The following NTRK3 variants were observed in gnomAD, a reference collection of about 807,000 sequenced individuals.
NTRK3 encodes neurotrophic receptor tyrosine kinase 3.
In NTRK3, 24 loss-of-function variants were observed where a neutral mutation model predicts 91.7. The ratio of observed to expected loss-of-function variants is 0.26; its 90% CI spans 0.19 to 0.37. The LOEUF (loss-of-function observed/expected upper bound fraction) is 0.37. Ranked by LOEUF, NTRK3 falls within the 10% of genes least tolerant of loss-of-function variation. The probability of loss-of-function intolerance (pLI) is 1.00; values close to 1 mark genes in which losing one functional copy is unlikely to be tolerated. For missense variants in NTRK3, 880 were observed against 1,068.9 expected (o/e 0.82, Z 2.46); for synonymous variants, 483 against 404.0 (o/e 1.20, Z -2.34).
intron 3 of NTRK3, among the ~76,000 whole-genome samples, chr15:88,230,809 C>A (rs2051118498): frequency 6.6e-6 from 1 of 151,322 alleles, no homozygotes; most frequent in Admixed American, 6.6e-5. Flanking sequence ...GACAAAACCA[C>A]CCTGTAAATA....
rs1444853764 is a variant in NTRK3, at chr15:87,867,670, G to A, written c.*9265C>T. On this transcript the variant is annotated 3_prime_UTR_variant, in exon 19 of 19. Coordinates refer to ENST00000394480, the Ensembl canonical transcript of NTRK3. Reference sequence around the variant, plus strand: ...GCTCCTAGCCCAGTGCTCTTCTCCTGCCCCATGCTAACCGTTTTGGTTCAC... The same window carrying A: ...GCTCCTAGCCCAGTGCTCTTCTCCTACCCCATGCTAACCGTTTTGGTTCAC... 8 of 229,030 alleles carry A rather than the reference G, an allele frequency of 3.5e-5. No homozygotes were observed. The East Asian group carries it at 5.0e-4, about 14-fold the overall frequency. The allele number at this position is 229,030 out of a possible 1,614,324, so 14.2% of individuals were successfully genotyped here. A position where few individuals can be genotyped will look rare whatever the true frequency, so the allele number is the denominator to read the frequency against.
chr15:87,866,282 C>A, exon 19 of NTRK3: 1 of 201,936 alleles, frequency 5.0e-6, no homozygotes, highest in African/African-American at 2.3e-5. Flanking sequence ...TCCTAGAAAG[C>A]ATTCATAATA....
Position 87,880,267 on chromosome 15 carries a change from T to C in NTRK3, c.2292+3A>G, listed in dbSNP as rs1489014249. The C allele has an allele frequency of 6.2e-7, 1 of 1,614,124 alleles. No individual in the cohort carries two copies. The highest frequency in any genetic ancestry group is 1.1e-5 in the South Asian group (1 of 91,080). On this transcript the variant is annotated splice_donor_region_variant and intron_variant, in intron 18 of 18. Transcript: ENST00000394480. The stretch of plus-strand genomic sequence containing the variant: ...TCAAGATTCCTACGCACCCCCTTTT[T>C]ACCTCCGTGTTTGAGAGTTGGAACC...
intron 13 of NTRK3, among the ~76,000 whole-genome samples, chr15:88,063,844 C>T (rs2046422526): frequency 6.6e-6 from 1 of 152,196 alleles, no homozygotes; most frequent in Admixed American, 6.5e-5. Context: ...TCAGAAGAAA[C>T]AGATGAATTG....
chr15:88,062,954 T>C (rs572615149), intron 13 of NTRK3, among the ~76,000 whole-genome samples: 2 of 152,240 alleles, frequency 1.3e-5, no homozygotes, highest in South Asian at 4.1e-4. Context: ...GTTTCCTTCA[T>C]GTAAAGATGT....
At chr15:88,040,607 A>G (rs2079515888) in intron 13 of NTRK3, among the ~76,000 whole-genome samples, 1 of 152,222 alleles carries the variant, frequency 6.6e-6, no homozygotes, top group Non-Finnish European at 1.5e-5. Context: ...CTCTTCCAGC[A>G]ACTCTATGAC....
intron 3 of NTRK3, among the ~76,000 whole-genome samples, chr15:88,246,331 C>T (rs1431531515): frequency 6.6e-6 from 1 of 152,204 alleles, no homozygotes; most frequent in African/African-American, 2.4e-5. Flanking sequence ...AAAGCAGACA[C>T]GGGATCTGCA....
At chr15:87,893,868 A>G (rs16940978) in intron 17 of NTRK3, among the ~76,000 whole-genome samples, 1,708 of 152,276 alleles carry the variant, frequency 0.011, 34 homozygotes, top group African/African-American at 0.039. Context: ...GGAGGGATTC[A>G]AGCTTCCTCT....
At chr15:88,111,944 T>C (rs1050306021) in intron 13 of NTRK3, among the ~76,000 whole-genome samples, 3 of 151,170 alleles carry the variant, frequency 2.0e-5, no homozygotes, top group Non-Finnish European at 3.0e-5. Context: ...TCTCACTCTG[T>C]CACCCAGGCT....
chr15:88,022,332 G>A (rs552168254), intron 14 of NTRK3, among the ~76,000 whole-genome samples: 2 of 152,068 alleles, frequency 1.3e-5, no homozygotes, highest in East Asian at 1.9e-4. Context: ...TTGGCTTTAC[G>A]CCCAAGCTGC....
chr15:88,088,387 C>T (rs150984088), intron 13 of NTRK3, among the ~76,000 whole-genome samples: 118 of 152,282 alleles, frequency 7.7e-4, no homozygotes, highest in African/African-American at 2.7e-3. Context: ...CATCCTTTTG[C>T]CCCTGCACTC....
At chr15:88,103,569 C>T (rs1007888984) in intron 13 of NTRK3, among the ~76,000 whole-genome samples, 1 of 152,074 alleles carries the variant, frequency 6.6e-6, no homozygotes, top group African/African-American at 2.4e-5. Context: ...CAAAAAAGAC[C>T]TTAGATTGTT....
At chr15:87,877,426 G>A (rs902180201) in intron 18 of NTRK3, among the ~76,000 whole-genome samples, 2 of 152,062 alleles carry the variant, frequency 1.3e-5, no homozygotes, top group African/African-American at 4.8e-5. Flanking sequence ...TTCTTCTCTA[G>A]TCCTGAATCT....
exon 19 of NTRK3, chr15:87,865,876 A>C (rs2064659568): frequency 4.4e-6 from 1 of 229,362 alleles, no homozygotes; most frequent in African/African-American, 2.2e-5. Context: ...AGATACTCAA[A>C]GCAAAAAATG....
At chr15:88,068,409 C>T (rs916264559) in intron 13 of NTRK3, among the ~76,000 whole-genome samples, 18 of 151,902 alleles carry the variant, frequency 1.2e-4, no homozygotes, top group African/African-American at 3.1e-4. Context: ...CCAGCCTGGG[C>T]GAGAGAGGGA....
chr15:88,126,473 A>G, intron 12 of NTRK3, 100 bp from the exon 13 acceptor site: 1 of 736,738 alleles, frequency 1.4e-6, no homozygotes, highest in Non-Finnish European at 2.4e-6. Flanking sequence ...CTACTGCCAT[A>G]GTAATTGTAG....
intron 5 of NTRK3, among the ~76,000 whole-genome samples, chr15:88,166,610 G>T (rs149628531): frequency 6.6e-6 from 1 of 152,264 alleles, no homozygotes. Context: ...AAGCAAAAAT[G>T]GTAGTATCAG....
chr15:87,998,489 G>A (rs935553743), intron 14 of NTRK3, among the ~76,000 whole-genome samples: 2 of 152,232 alleles, frequency 1.3e-5, no homozygotes, highest in Non-Finnish European at 2.9e-5. Flanking sequence ...GGCTGTTGTA[G>A]AGCTCTGGAA....
At position 87,893,547 on chromosome 15, in the gene NTRK3, G is replaced by A. The variant is rs1331310765; in HGVS notation, c.2134-13119C>T. 2.6e-5 allele frequency among the ~76,000 whole-genome samples: 4 copies of A among 152,172 alleles called. No homozygotes were observed. In the South Asian group the frequency reaches 8.3e-4, roughly 32 times the overall value. On this transcript the variant is annotated intron_variant, in intron 17 of 18. Coordinates refer to ENST00000394480, the Ensembl canonical transcript of NTRK3. ...CCTTTCCTGAAAAGAGAATTGTCTTGCTCATTTCCATTGAGTGACTGCAAC... is the reference window on the plus strand; with the variant it reads ...CCTTTCCTGAAAAGAGAATTGTCTTACTCATTTCCATTGAGTGACTGCAAC...
Sources: allele counts gnomAD v4.1 joint callset (sites outside exome capture counted in the v4.1 genomes callset), GRCh38; gene constraint gnomAD v4.1.1; transcripts MANE v1.5; gene names NCBI Gene and HGNC (gene_info 2026-07-23, HGNC 2026-07-21).